The following ITGAM variants were observed in gnomAD, a reference collection of about 807,000 sequenced individuals.
ITGAM encodes integrin subunit alpha M, also known as integrin alpha-M.
In ITGAM, 79 loss-of-function variants were observed where a neutral mutation model predicts 137.5. The ratio of observed to expected loss-of-function variants is 0.57; its 90% CI spans 0.48 to 0.69. The LOEUF (loss-of-function observed/expected upper bound fraction) is 0.69. ITGAM is among the 30% of genes least tolerant of loss of function. ITGAM has a pLI of 0.00. For missense variants in ITGAM, 1,343 were observed against 1,483.5 expected, an observed-to-expected ratio of 0.91 and a Z score of 1.56; for synonymous variants, 583 against 592.3, an observed-to-expected ratio of 0.98 and a Z score of 0.23.
chr16:31,261,161 A>C (rs1177516395), intron 1 of ITGAM, among the ~76,000 whole-genome samples: 1 of 145,934 alleles, frequency 6.9e-6, no homozygotes, highest in Middle Eastern at 3.5e-3. Context: ...GACCGAATGG[A>C]TGGGAAAGGG....
chr16:31,261,593 A>T lies in ITGAM; in HGVS notation c.29-99A>T. On this transcript the variant is annotated intron_variant, in intron 1 of 29. Coordinates refer to ENST00000544665, the MANE Select transcript of ITGAM (RefSeq NM_000632.4). ...AGTGCAGTGGCACAATCAGGGCTCA[A>T]GTGATCCTCCTGCCTCAGCCCTCCA... The T allele has an allele frequency of 4.3e-6, 3 of 703,262 alleles. No homozygotes were observed. The East Asian group carries it at 8.3e-5, about 19-fold the overall frequency. The allele number at this position is 703,262 out of a possible 1,614,324, so 43.6% of individuals were successfully genotyped here.
At chr16:31,326,794 G>C in intron 21 of ITGAM, 62 bp from the exon 22 acceptor site, 1 of 1,090,716 alleles carries the variant, frequency 9.2e-7, no homozygotes, top group Non-Finnish European at 1.4e-6. Flanking sequence ...ATCAGATGAC[G>C]GGCATTTGGG....
chr16:31,263,328 T>G (rs977962116), intron 2 of ITGAM, among the ~76,000 whole-genome samples: 16 of 152,240 alleles, frequency 1.1e-4, no homozygotes, highest in African/African-American at 2.9e-4. Flanking sequence ...AATGCTGTCA[T>G]TTTGCACATG....
chr16:31,275,466 A>C (rs973202609), intron 8 of ITGAM, 83 bp from the exon 9 acceptor site: 16 of 1,389,106 alleles, frequency 1.2e-5, no homozygotes, highest in Non-Finnish European at 1.5e-5. Context: ...ATAATGGTTC[A>C]GACTAGTTTC....
At chr16:31,308,366 G>C (rs1436953535) in intron 14 of ITGAM, among the ~76,000 whole-genome samples, 1 of 152,062 alleles carries the variant, frequency 6.6e-6, no homozygotes, top group East Asian at 1.9e-4. Flanking sequence ...CTTCTTCCTG[G>C]TTTAGTCTTG....
chr16:31,266,860 G>A (rs1370502014), intron 5 of ITGAM, among the ~76,000 whole-genome samples: 2 of 113,670 alleles, frequency 1.8e-5, no homozygotes, highest in African/African-American at 8.0e-5. Flanking sequence ...GTGACTGTAT[G>A]GATTTTTTTT....
intron 13 of ITGAM, 40 bp from the exon 14 acceptor site, chr16:31,297,705 G>T (rs750757867): frequency 1.9e-6 from 3 of 1,599,794 alleles, no homozygotes; most frequent in Non-Finnish European, 2.6e-6. Flanking sequence ...GGGTGGAGGG[G>T]TCGCCTGGGT....
At chr16:31,272,423 C>CTATATATATATATATA (rs1307190696) in intron 7 of ITGAM, among the ~76,000 whole-genome samples, 8 of 31,526 alleles carry the variant, frequency 2.5e-4, no homozygotes, top group Non-Finnish European at 4.0e-4. Flanking sequence ...GGCCAATTAA[C>CTATATATATATATATA]TATATATATA....
intron 14 of ITGAM, among the ~76,000 whole-genome samples, chr16:31,312,236 G>A: frequency 6.6e-6 from 1 of 151,744 alleles, no homozygotes; most frequent in Non-Finnish European, 1.5e-5. Context: ...GTATACATAT[G>A]TAACAAACCT....
Position 31,331,729 on chromosome 16 carries a change from G to A in ITGAM, c.*22G>A, listed in dbSNP as rs757624178. Reference sequence around the variant, plus strand: ...GTAGCGGCTCCTTCCCGACAGAGCTGCCTCTCGGTGGCCAGCAGGACTCTG... The same window carrying A: ...GTAGCGGCTCCTTCCCGACAGAGCTACCTCTCGGTGGCCAGCAGGACTCTG... On this transcript the variant is annotated 3_prime_UTR_variant, in exon 30 of 30. Coordinates refer to ENST00000544665, the MANE Select transcript of ITGAM (RefSeq NM_000632.4). The A allele has an allele frequency of 6.4e-7, 1 of 1,565,796 alleles. No homozygotes were observed. The highest frequency in any genetic ancestry group is 8.7e-7 in the Non-Finnish European group (1 of 1,153,076).
chr16:31,287,724 C>G (rs766453359), intron 12 of ITGAM, among the ~76,000 whole-genome samples: 2 of 152,112 alleles, frequency 1.3e-5, no homozygotes, highest in Non-Finnish European at 2.9e-5. Context: ...GATACCTGAA[C>G]AGCTTGTCAT....
chr16:31,260,123 TGGG>T, intron 1 of ITGAM, 31 bp downstream of exon 1: 1 of 372,010 alleles, frequency 2.7e-6, no homozygotes, highest in South Asian at 2.5e-5. Flanking sequence ...GGACTCTGGG[TGGG>T]GAGGAGGGTA....
chr16:31,265,727 G>GGGAGA, intron 3 of ITGAM, 84 bp from the exon 4 acceptor site: 1 of 1,168,190 alleles, frequency 8.6e-7, no homozygotes, highest in South Asian at 1.3e-5. Flanking sequence ...CTTGTCTCCC[G>GGGAGA]CATGGAGGTG....
At chr16:31,279,038 T>G (rs151006418) in intron 12 of ITGAM, among the ~76,000 whole-genome samples, 320 of 152,336 alleles carry the variant, frequency 2.1e-3, no homozygotes, top group African/African-American at 7.0e-3. Flanking sequence ...GTTTCCAGCT[T>G]CATCCATGTC....
At chr16:31,272,073 A>C (rs906091945) in intron 7 of ITGAM, 81 bp downstream of exon 7, 16 of 1,551,340 alleles carry the variant, frequency 1.0e-5, no homozygotes, top group Non-Finnish European at 1.4e-5. Context: ...GGAGCCGTTC[A>C]GACAGGGGTG....
chr16:31,277,895 C>A, intron 11 of ITGAM, 72 bp from the exon 12 acceptor site: 1 of 1,491,956 alleles, frequency 6.7e-7, no homozygotes, highest in Non-Finnish European at 9.0e-7. Flanking sequence ...AGTGCCCCTA[C>A]TCAAGGGGTG....
Position 31,265,867 on chromosome 16 carries a change from C to G in ITGAM, c.295C>G (p.Pro99Ala). 1 of 1,613,840 alleles carries G rather than the reference C, an allele frequency of 6.2e-7. No homozygotes were observed. Among genetic ancestry groups the G allele is most frequent in the Non-Finnish European group, 8.5e-7 (1 of 1,179,942 alleles). The change falls in exon 4 of 30, where the codon CCC becomes GCC. Residue 99 changes from proline (P) to alanine (A), a missense_variant. Coordinates refer to ENST00000544665, the MANE Select transcript of ITGAM (RefSeq NM_000632.4). ...CCTGTCCCTGGCAGCCACCACCAGC[C>G]CCCCTCAGCTGCTGGTGAGTGGGGC... ...LGLSLAATTS[P>A]PQLLACGPTV...
At position 31,275,676 on chromosome 16, in the gene ITGAM, G is replaced by C. The variant is rs773233768; in HGVS notation, c.986G>C (p.Arg329Pro). Residue 329 changes from arginine to proline, a missense_variant, in exon 9 of 30, where the codon CGG becomes CCG. Arg to Pro is a moderately radical substitution (Grantham distance 103). Transcript: ENST00000544665. Reference protein sequence around the residue: ...EALKTIQNQLREKIFAIEGTQ... With the variant: ...EALKTIQNQLPEKIFAIEGTQ... ...CTGAAGACCATTCAGAACCAGCTTC[G>C]GGAGAAGATCTTTGCGATCGAGGGT... The C allele has an allele frequency of 6.2e-7, 1 of 1,613,832 alleles. No homozygotes were observed. Among genetic ancestry groups the C allele is most frequent in the Non-Finnish European group, 8.5e-7 (1 of 1,179,850 alleles).
At chr16:31,261,552 C>G in intron 1 of ITGAM, 140 bp from the exon 2 acceptor site, 1 of 493,616 alleles carries the variant, frequency 2.0e-6, no homozygotes, top group Non-Finnish European at 3.7e-6. Context: ...GGATCTCTCT[C>G]TGTTGCTCAG....
Sources: gnomAD v4.1 joint callset for allele counts (sites outside exome capture counted in the v4.1 genomes callset) on GRCh38, gnomAD v4.1.1 for gene constraint, MANE v1.5 for transcripts, NCBI Gene and HGNC (gene_info 2026-07-23, HGNC 2026-07-21) for gene names.